The following ENAH variants were observed in gnomAD, a reference collection of about 807,000 sequenced individuals.
ENAH encodes the protein ENAH actin regulator, also known as protein enabled homolog.
ENAH carries 23 observed loss-of-function variants against 78.7 expected under a neutral mutation model. That is an observed-to-expected ratio of 0.29 (90% CI 0.21 to 0.41). The LOEUF (loss-of-function observed/expected upper bound fraction) is 0.41. Ranked by LOEUF, ENAH falls within the 10% of genes least tolerant of loss-of-function variation. The pLI, the probability that ENAH is intolerant of heterozygous loss-of-function variation, is 1.00. For missense variants in ENAH, 544 were observed against 691.0 expected (o/e 0.79, Z 2.39); for synonymous variants, 226 against 241.0 (o/e 0.94, Z 0.58).
chr1:225,646,968 T>TATA (rs1184243246), intron 1 of ENAH, among the ~76,000 whole-genome samples: 2 of 151,762 alleles, frequency 1.3e-5, no homozygotes, highest in Admixed American at 1.3e-4. Context: ...GACTCACGCC[T>TATA]ATAATCCCAG....
At chr1:225,608,550 T>C (rs1040942115) in intron 1 of ENAH, among the ~76,000 whole-genome samples, 6 of 152,034 alleles carry the variant, frequency 3.9e-5, no homozygotes, top group Admixed American at 1.3e-4. Context: ...GCACCGTGGC[T>C]CACGCCTGTA....
chr1:225,513,811 G>A (rs891429941), intron 7 of ENAH, among the ~76,000 whole-genome samples: 8 of 152,172 alleles, frequency 5.3e-5, no homozygotes, highest in Admixed American at 6.5e-5. Flanking sequence ...GGTCAACATC[G>A]CGAAACCCTA....
intron 1 of ENAH, among the ~76,000 whole-genome samples, chr1:225,608,062 G>C (rs954615): frequency 0.043 from 6,495 of 151,838 alleles, 225 homozygotes; most frequent in South Asian, 0.1. Context: ...AACAACGCAA[G>C]GAACAGAATC....
At chr1:225,582,755 C>CA (rs1216527229) in intron 1 of ENAH, among the ~76,000 whole-genome samples, 6 of 152,144 alleles carry the variant, frequency 3.9e-5, no homozygotes, top group African/African-American at 1.2e-4. Context: ...GCCTAAAAGA[C>CA]AGAATTTGCT....
chr1:225,521,130 C>T (rs988403055), intron 4 of ENAH, among the ~76,000 whole-genome samples: 5 of 151,996 alleles, frequency 3.3e-5, no homozygotes, highest in African/African-American at 1.2e-4. Flanking sequence ...TAATAATATT[C>T]GATTATTTTG....
chr1:225,505,375 C>T (rs971169647), intron 11 of ENAH, among the ~76,000 whole-genome samples: 1 of 152,168 alleles, frequency 6.6e-6, no homozygotes, highest in Non-Finnish European at 1.5e-5. Flanking sequence ...ATCTTGAATA[C>T]AAGATCTGTA....
chr1:225,593,781 T>G (rs2096889500), intron 1 of ENAH, among the ~76,000 whole-genome samples: 1 of 152,212 alleles, frequency 6.6e-6, no homozygotes, highest in South Asian at 2.1e-4. Flanking sequence ...TTCTGGAACT[T>G]ATTGTCCTGT....
chr1:225,588,676 C>T (rs1019812014), intron 1 of ENAH, among the ~76,000 whole-genome samples: 3 of 151,910 alleles, frequency 2.0e-5, no homozygotes, highest in Admixed American at 1.3e-4. Flanking sequence ...GGCTTGGTGG[C>T]GCATGCCTGT....
At chr1:225,565,649 T>C (rs948423242) in intron 2 of ENAH, among the ~76,000 whole-genome samples, 38 of 152,256 alleles carry the variant, frequency 2.5e-4, no homozygotes, top group East Asian at 1.2e-3. Flanking sequence ...TCTTTTTTTT[T>C]CCCCATAATA....
chr1:225,566,144 T>C (rs2096733848), intron 2 of ENAH, among the ~76,000 whole-genome samples: 1 of 152,008 alleles, frequency 6.6e-6, no homozygotes, highest in Non-Finnish European at 1.5e-5. Flanking sequence ...CGGGGGAGCT[T>C]CTAAGCCAGC....
At chr1:225,501,237 C>T in intron 11 of ENAH, 167 bp from the exon 12 acceptor site, 1 of 500,648 alleles carries the variant, frequency 2.0e-6, no homozygotes, top group Non-Finnish European at 3.6e-6. Context: ...GAACATAAAA[C>T]AACATTTTTT....
chr1:225,600,709 A>C (rs1205947041), intron 1 of ENAH, among the ~76,000 whole-genome samples: 3 of 152,098 alleles, frequency 2.0e-5, no homozygotes, highest in Non-Finnish European at 4.4e-5. Flanking sequence ...AAATTAAAAA[A>C]TTAGCCAGGC....
At chr1:225,567,782 A>G (rs1278584869) in intron 1 of ENAH, among the ~76,000 whole-genome samples, 1 of 152,190 alleles carries the variant, frequency 6.6e-6, no homozygotes, top group African/African-American at 2.4e-5. Flanking sequence ...CAAAAACTGC[A>G]ATTACTTTTG....
At chr1:225,590,917 C>T (rs1575634562) in intron 1 of ENAH, among the ~76,000 whole-genome samples, 2 of 152,172 alleles carry the variant, frequency 1.3e-5, no homozygotes, top group Non-Finnish European at 2.9e-5. Context: ...TAATATCCTA[C>T]AATTTCTGCA....
rs1477611349 is a variant in ENAH, at chr1:225,567,336, G to A, written c.84C>T (p.Gly28=). The change falls in exon 2 of 14, where the codon GGC becomes GGT. Residue 28 remains glycine (G), a synonymous_variant. Coordinates refer to ENST00000366843, the MANE Select transcript of ENAH (RefSeq NM_018212.6). ...DANKKWVPAG[G]STGFSRVHIY... ...TATGAACTCTGCTGAATCCAGTTGA[G>A]CCACCAGCTGGCACCCACTTCTTAT... The A allele has an allele frequency of 6.2e-7, 1 of 1,614,010 alleles. No homozygotes were observed. The highest frequency in any genetic ancestry group is 1.1e-5 in the South Asian group (1 of 91,054).
chr1:225,504,959 T>A, intron 11 of ENAH: 7 of 1,565,920 alleles, frequency 4.5e-6, no homozygotes, highest in Non-Finnish European at 5.3e-6. Flanking sequence ...TATTTAAAAG[T>A]CTCAAATCAC....
At chr1:225,561,413 G>A (rs1164388844) in intron 2 of ENAH, among the ~76,000 whole-genome samples, 1 of 151,534 alleles carries the variant, frequency 6.6e-6, no homozygotes, top group Non-Finnish European at 1.5e-5. Context: ...CATGAGGTCA[G>A]GAGATCGAAA....
intron 1 of ENAH, among the ~76,000 whole-genome samples, chr1:225,649,502 C>T (rs111796555): frequency 2.6e-5 from 4 of 152,038 alleles, no homozygotes; most frequent in Non-Finnish European, 4.4e-5. Flanking sequence ...CATACATACA[C>T]GCACACTTTA....
chr1:225,551,014 T>G (rs2096638273), intron 3 of ENAH, among the ~76,000 whole-genome samples: 1 of 152,220 alleles, frequency 6.6e-6, no homozygotes, highest in African/African-American at 2.4e-5. Context: ...AATCCATAAC[T>G]ATTACCTATA....
Sources: allele counts gnomAD v4.1 joint callset (sites outside exome capture counted in the v4.1 genomes callset), GRCh38; gene constraint gnomAD v4.1.1; transcripts MANE v1.5; gene names NCBI Gene and HGNC (gene_info 2026-07-23, HGNC 2026-07-21).